Variants in MBD2 observed in about 807,000 individuals in gnomAD.
The protein encoded by MBD2 is methyl-CpG-binding domain protein 2.
A neutral mutation model predicts 39.3 loss-of-function variants in MBD2; 9 were observed. That is an observed-to-expected ratio of 0.23 (90% confidence interval 0.14 to 0.40). The LOEUF (loss-of-function observed/expected upper bound fraction) is 0.40. Ranked by LOEUF, MBD2 falls within the 10% of genes least tolerant of loss-of-function variation. The pLI, the probability that MBD2 is intolerant of heterozygous loss-of-function variation, is 1.00. For synonymous variants in MBD2, 233 were observed against 211.1 expected (o/e 1.10, Z -0.90); for missense variants, 458 against 532.6 (o/e 0.86, Z 1.38).
chr18:54,203,660 G>A (rs947448629), intron 2 of MBD2, among the ~76,000 whole-genome samples: 3 of 152,166 alleles, frequency 2.0e-5, no homozygotes, highest in African/African-American at 7.2e-5. Flanking sequence ...TTATATTACT[G>A]TAAACTGCAC....
chr18:54,164,372 A>G (rs1419403225), intron 5 of MBD2, 151 bp downstream of exon 5: 2 of 648,084 alleles, frequency 3.1e-6, no homozygotes, highest in Non-Finnish European at 5.2e-6. Context: ...TTCACCTTCT[A>G]TCAGTTTCTG....
chr18:54,199,642 C>T (rs2086390941), intron 2 of MBD2, among the ~76,000 whole-genome samples: 1 of 152,172 alleles, frequency 6.6e-6, no homozygotes, highest in Non-Finnish European at 1.5e-5. Flanking sequence ...TCCCTGACTC[C>T]TCTGCCCCAA....
In MBD2 at chr18:54,159,812, T is replaced by A; in HGVS notation, c.1201A>T (p.Met401Leu). 1 of 1,612,270 alleles carries A rather than the reference T, an allele frequency of 6.2e-7. No homozygotes were observed. Among genetic ancestry groups the A allele is most frequent in the South Asian group, 1.1e-5 (1 of 91,084 alleles). Residue 401 changes from methionine to leucine, a missense_variant, in exon 6 of 7, where the codon ATG (methionine) becomes TTG (leucine). By Grantham distance (15) the Met-to-Leu change is conservative (BLOSUM62 2). This residue lies in a region of MBD2 where 189 missense variants were observed against 296.6 expected (regional missense o/e 0.64). Transcript: ENST00000256429. ...ILSRAADTEEMDIEMDSGDEA is the reference protein window; with the variant it reads ...ILSRAADTEELDIEMDSGDEA Reference sequence around the variant, plus strand: ...TCTCCACTGTCCATTTCAATATCCATCTCTTCTGTATCAGCAGCTCGCGAC... The same window carrying A: ...TCTCCACTGTCCATTTCAATATCCAACTCTTCTGTATCAGCAGCTCGCGAC...
chr18:54,215,134 A>T (rs2086546228), intron 1 of MBD2, among the ~76,000 whole-genome samples: 1 of 152,226 alleles, frequency 6.6e-6, no homozygotes, highest in Non-Finnish European at 1.5e-5. Flanking sequence ...AAAGCAAGAT[A>T]CAAGCCCCGA....
intron 3 of MBD2, among the ~76,000 whole-genome samples, chr18:54,167,159 G>A (rs1254249121): frequency 3.9e-5 from 6 of 152,146 alleles, no homozygotes; most frequent in African/African-American, 1.4e-4. Context: ...GGATACCAGG[G>A]CCTGTCACAT....
chr18:54,158,973 G>A (rs2086074412), intron 6 of MBD2, among the ~76,000 whole-genome samples: 1 of 152,142 alleles, frequency 6.6e-6, no homozygotes, highest in Non-Finnish European at 1.5e-5. Flanking sequence ...ATACTTTTTA[G>A]TGTCCTTCTT....
In MBD2 at chr18:54,154,403, C is replaced by A. The variant is rs1261974020; in HGVS notation, c.*921G>T. On this transcript the variant is annotated 3_prime_UTR_variant, in exon 7 of 7. Transcript: ENST00000256429. ...GCAACTCTGTCTAGAAGCTGCCTCT[C>A]ACTGTAGCCAAGAGTCTGACCTGCA... The A allele has an allele frequency of 6.6e-6, 1 of 152,122 alleles. No homozygotes were observed. Among genetic ancestry groups the A allele is most frequent in the Non-Finnish European group, 1.5e-5 (1 of 68,020 alleles). The allele number at this position is 152,122 out of a possible 1,614,324, so 9.4% of individuals were successfully genotyped here. A position where few individuals can be genotyped will look rare whatever the true frequency, so the allele number is the denominator to read the frequency against.
intron 1 of MBD2, 43 bp downstream of exon 1, chr18:54,223,975 C>G (rs746527897): frequency 6.7e-7 from 1 of 1,482,278 alleles, no homozygotes; most frequent in South Asian, 1.2e-5. Context: ...ACCCCTGACC[C>G]CGGCCTGACC....
intron 2 of MBD2, among the ~76,000 whole-genome samples, chr18:54,196,498 T>C (rs1568087541): frequency 6.6e-6 from 1 of 152,236 alleles, no homozygotes; most frequent in Non-Finnish European, 1.5e-5. Context: ...TCTATGGCGT[T>C]AATCATCTCC....
intron 1 of MBD2, among the ~76,000 whole-genome samples, chr18:54,208,733 C>T (rs1008732692): frequency 2.6e-5 from 4 of 152,170 alleles, no homozygotes; most frequent in African/African-American, 4.8e-5. Flanking sequence ...ATTAAACCTG[C>T]AATAAGTAGT....
At chr18:54,188,038 C>T (rs958018681) in intron 3 of MBD2, among the ~76,000 whole-genome samples, 8 of 151,986 alleles carry the variant, frequency 5.3e-5, no homozygotes, top group African/African-American at 1.9e-4. Flanking sequence ...AAAAGATAAC[C>T]GTCGTAGGTA....
chr18:54,214,176 G>A (rs774200278), intron 1 of MBD2, among the ~76,000 whole-genome samples: 21 of 148,816 alleles, frequency 1.4e-4, no homozygotes, highest in Non-Finnish European at 2.4e-4. Context: ...TATATATTTT[G>A]TTTGTTTCTT....
intron 1 of MBD2, among the ~76,000 whole-genome samples, chr18:54,213,208 G>A (rs1367659997): frequency 2.0e-5 from 3 of 152,074 alleles, no homozygotes; most frequent in Admixed American, 6.5e-5. Flanking sequence ...ACCGTGGCCC[G>A]TTAAGAACCG....
chr18:54,224,543 C>T lies in MBD2; in HGVS notation c.17G>A (p.Gly6Glu), dbSNP rs755053852. 5.7e-6 allele frequency: 7 copies of T among 1,230,214 alleles called. No homozygotes were observed. The South Asian group carries it at 2.0e-4, about 35-fold the overall frequency. The allele number at this position is 1,230,214 out of a possible 1,614,324, so 76.2% of individuals were successfully genotyped here. A position where few individuals can be genotyped will look rare whatever the true frequency, so the allele number is the denominator to read the frequency against. Residue 6 changes from glycine (G) to glutamate (E), a missense_variant, in exon 1 of 7, where the codon GGG becomes GAG. By Grantham distance (98) the Gly-to-Glu change is moderately conservative. Around this residue, in one of 2 missense-constraint regions of MBD2, gnomAD observed 269 missense variants for 236.0 expected, o/e 1.14. Coordinates refer to ENST00000256429, the MANE Select transcript of MBD2 (RefSeq NM_003927.5). ...CTGCTCCGGGCAGCAGCGGCCTCCC[C>T]CCGGGTGCGCGCGCATCCAGCCCCC... MRAHPGGGRCCPEQEE... is the reference protein window; with the variant it reads MRAHPEGGRCCPEQEE...
rs2086118024 is a variant in MBD2 at position 54,164,647 on chromosome 18, A to G, written c.985T>C (p.Leu329=). 2 of 1,614,044 alleles carry G rather than the reference A, an allele frequency of 1.2e-6. No individual in the cohort carries two copies. Among genetic ancestry groups the G allele is most frequent in the Non-Finnish European group, 1.7e-6 (2 of 1,179,906 alleles). The change falls in exon 5 of 7, where the codon TTG becomes CTG. Residue 329 remains leucine (L), a synonymous_variant. Coordinates refer to ENST00000256429, the MANE Select transcript of MBD2 (RefSeq NM_003927.5). ...GTGATTGGCGCAGAGCTTGTGTGCAAAGCACTGGCAACAGCAGATAAAAGG... is the reference window on the plus strand; with the variant it reads ...GTGATTGGCGCAGAGCTTGTGTGCAGAGCACTGGCAACAGCAGATAAAAGG... ...ETLLSAVASA[L]HTSSAPITGQ... is the part of the protein sequence containing the mutation.
intron 1 of MBD2, among the ~76,000 whole-genome samples, chr18:54,218,952 ACTC>A (rs1000050436): frequency 2.1e-5 from 3 of 145,702 alleles, no homozygotes; most frequent in Non-Finnish European, 3.0e-5. Flanking sequence ...ACAAAGTAAG[ACTC>A]CGTCTCAAAA....
At chr18:54,156,523 A>G (rs2086052572) in intron 6 of MBD2, among the ~76,000 whole-genome samples, 1 of 152,180 alleles carries the variant, frequency 6.6e-6, no homozygotes, top group Non-Finnish European at 1.5e-5. Flanking sequence ...ACAAGGGTAT[A>G]GCCTGGATGT....
chr18:54,159,713 GC>G (rs2086081411), intron 6 of MBD2, 51 bp downstream of exon 6: 3 of 1,583,844 alleles, frequency 1.9e-6, no homozygotes, highest in Non-Finnish European at 2.6e-6. Context: ...ACTATGTCCG[GC>G]CAAGAAAACA....
intron 3 of MBD2, among the ~76,000 whole-genome samples, chr18:54,180,897 C>CTTTTTATTTTTTTTTTTTTTTTT: frequency 9.5e-6 from 1 of 105,360 alleles, no homozygotes; most frequent in South Asian, 3.0e-4. Context: ...TTAATTTTTT[C>CTTTTTATTTTTTTTTTTTTTTTT]TTTTTCTTTT....
Sources: allele counts gnomAD v4.1 joint callset (sites outside exome capture counted in the v4.1 genomes callset), GRCh38; gene constraint gnomAD v4.1.1; regional missense constraint gnomAD v4.1.1; transcripts MANE v1.5; gene names NCBI Gene and HGNC (gene_info 2026-07-23, HGNC 2026-07-21).